ASAP1: variants seen among roughly 807,000 people sequenced by gnomAD.
ASAP1 encodes ArfGAP with SH3 domain, ankyrin repeat and PH domain 1, also known as arf-GAP with SH3 domain, ANK repeat and PH domain-containing protein 1.
In ASAP1, 43 loss-of-function variants were observed where a neutral mutation model predicts 145.2. The ratio of observed to expected loss-of-function variants is 0.30; its 90% CI spans 0.23 to 0.38. The LOEUF (loss-of-function observed/expected upper bound fraction) is 0.38. Ranked by LOEUF, ASAP1 falls within the 10% of genes least tolerant of loss-of-function variation. The probability of loss-of-function intolerance (pLI) is 1.00; values close to 1 mark genes in which losing one functional copy is unlikely to be tolerated. For synonymous variants in ASAP1, 546 were observed against 515.5 expected, an observed-to-expected ratio of 1.06 and a Z score of -0.80; for missense variants, 1,018 against 1,355.3, an observed-to-expected ratio of 0.75 and a Z score of 3.91.
At chr8:130,203,416 G>A (rs996405022) in intron 5 of ASAP1, among the ~76,000 whole-genome samples, 1 of 152,162 alleles carries the variant, frequency 6.6e-6, no homozygotes, top group African/African-American at 2.4e-5. Flanking sequence ...GTTTCCCGGT[G>A]CTGGCTAACA....
At chr8:130,056,187 G>A (rs2097403690) in intron 29 of ASAP1, among the ~76,000 whole-genome samples, 1 of 152,220 alleles carries the variant, frequency 6.6e-6, no homozygotes, top group African/African-American at 2.4e-5. Flanking sequence ...AGAGGAAAGT[G>A]AGGCTTACAG....
chr8:130,081,089 A>C (rs1301392985), intron 25 of ASAP1, among the ~76,000 whole-genome samples: 2 of 152,222 alleles, frequency 1.3e-5, no homozygotes, highest in Non-Finnish European at 2.9e-5. Context: ...TAATGAGATG[A>C]ACATCAGTTG....
chr8:130,273,607 G>A (rs1257551346), intron 3 of ASAP1, among the ~76,000 whole-genome samples: 2 of 152,182 alleles, frequency 1.3e-5, no homozygotes, highest in Non-Finnish European at 2.9e-5. Flanking sequence ...CTGCTTCTCT[G>A]GGTATCTCTG....
At chr8:130,188,052 G>GA (rs113293903) in intron 6 of ASAP1, 57 bp downstream of exon 6, 246,898 of 1,215,806 alleles carry the variant, frequency 0.2, 17,120 homozygotes, top group East Asian at 0.4. Flanking sequence ...CTTGAAAGAG[G>GA]AAAAAAAAAA....
intron 2 of ASAP1, among the ~76,000 whole-genome samples, chr8:130,387,560 G>A (rs1449268278): frequency 6.7e-6 from 1 of 148,312 alleles, no homozygotes; most frequent in East Asian, 2.0e-4. Flanking sequence ...AAAAAGCACA[G>A]GTCCCAACCA....
chr8:130,193,514 G>T (rs150408698), intron 5 of ASAP1, among the ~76,000 whole-genome samples: 82 of 152,244 alleles, frequency 5.4e-4, no homozygotes, highest in African/African-American at 1.9e-3. Flanking sequence ...TGGGAGAGGA[G>T]ATTTTTGCAT....
At chr8:130,106,974 T>C (rs1811290802) in intron 24 of ASAP1, among the ~76,000 whole-genome samples, 1 of 152,204 alleles carries the variant, frequency 6.6e-6, no homozygotes. Context: ...TGCAGGAGGA[T>C]TGAACAAACT....
intron 2 of ASAP1, among the ~76,000 whole-genome samples, chr8:130,382,682 A>G (rs943185752): frequency 1.3e-5 from 2 of 152,160 alleles, no homozygotes; most frequent in African/African-American, 4.8e-5. Context: ...CCTCATTTCT[A>G]TTAAAAATAC....
chr8:130,430,333 G>A (rs1170277433), intron 1 of ASAP1, among the ~76,000 whole-genome samples: 1 of 152,194 alleles, frequency 6.6e-6, no homozygotes, highest in Non-Finnish European at 1.5e-5. Context: ...ACGTACGTAT[G>A]TGTTAGGATG....
chr8:130,236,775 T>C, intron 4 of ASAP1, 147 bp downstream of exon 4: 1 of 560,402 alleles, frequency 1.8e-6, no homozygotes, highest in Non-Finnish European at 3.0e-6. Context: ...ACAGTCGAGA[T>C]AAGAGAAAAA....
intron 8 of ASAP1, among the ~76,000 whole-genome samples, chr8:130,179,815 T>G (rs977765714): frequency 6.6e-6 from 1 of 152,106 alleles, no homozygotes; most frequent in Non-Finnish European, 1.5e-5. Flanking sequence ...AATAACCCAC[T>G]AATTTATTGA....
intron 25 of ASAP1, among the ~76,000 whole-genome samples, chr8:130,088,490 G>T (rs1356076520): frequency 6.6e-6 from 1 of 152,132 alleles, no homozygotes; most frequent in Admixed American, 6.5e-5. Flanking sequence ...CAGAGAGGCG[G>T]CGGCAGTGGG....
At chr8:130,058,551 G>C (rs1277060136) in intron 28 of ASAP1, among the ~76,000 whole-genome samples, 1 of 152,212 alleles carries the variant, frequency 6.6e-6, no homozygotes, top group African/African-American at 2.4e-5. Flanking sequence ...CAGCAAGTCA[G>C]TACATGCTGG....
chr8:130,256,165 G>C (rs951195487), intron 3 of ASAP1, among the ~76,000 whole-genome samples: 2 of 152,140 alleles, frequency 1.3e-5, no homozygotes, highest in Non-Finnish European at 2.9e-5. Flanking sequence ...ACTAGGTATT[G>C]TTTCCGTAAA....
At chr8:130,246,338 C>G (rs887936548) in intron 3 of ASAP1, among the ~76,000 whole-genome samples, 1 of 152,154 alleles carries the variant, frequency 6.6e-6, no homozygotes, top group Non-Finnish European at 1.5e-5. Flanking sequence ...GAAAGGAAAA[C>G]AGATCCCCTT....
intron 27 of ASAP1, among the ~76,000 whole-genome samples, chr8:130,072,831 G>GCGCGCGCGCGCA (rs58907739): frequency 1.8e-5 from 2 of 110,706 alleles, no homozygotes; most frequent in East Asian, 4.4e-4. Flanking sequence ...GTGTGCGCGC[G>GCGCGCGCGCGCA]GGGGGGGGCA....
At chr8:130,222,306 G>A (rs994976917) in intron 4 of ASAP1, among the ~76,000 whole-genome samples, 6 of 152,158 alleles carry the variant, frequency 3.9e-5, no homozygotes, top group Admixed American at 2.0e-4. Context: ...CAAAACCTCT[G>A]GACTGGACTG....
intron 5 of ASAP1, among the ~76,000 whole-genome samples, chr8:130,211,251 TCA>T (rs1430241859): frequency 6.6e-6 from 1 of 152,242 alleles, no homozygotes; most frequent in Non-Finnish European, 1.5e-5. Flanking sequence ...CGGTATGGGC[TCA>T]CAGAGTAATC....
chr8:130,185,744 A>G (rs893168998), intron 7 of ASAP1, among the ~76,000 whole-genome samples: 3 of 150,486 alleles, frequency 2.0e-5, no homozygotes, highest in African/African-American at 7.3e-5. Flanking sequence ...AAAAAAAAAA[A>G]AAAAGAAAAA....
Sources: gnomAD v4.1 joint callset for allele counts (sites outside exome capture counted in the v4.1 genomes callset) on GRCh38, gnomAD v4.1.1 for gene constraint, MANE v1.5 for transcripts, NCBI Gene and HGNC (gene_info 2026-07-23, HGNC 2026-07-21) for gene names.